MED26: variants seen among roughly 807,000 people sequenced by gnomAD.
MED26 encodes the protein mediator complex subunit 26, also known as mediator of RNA polymerase II transcription subunit 26.
MED26 carries 7 observed loss-of-function variants against 43.7 expected under a neutral mutation model. The observed-to-expected ratio is 0.16, with a 90% CI of 0.09 to 0.30. The LOEUF is 0.30. MED26 is among the 10% of genes least tolerant of loss of function. MED26 has a pLI of 1.00. For missense variants in MED26, 784 were observed against 840.6 expected (o/e 0.93, Z 0.83); for synonymous variants, 375 against 371.1 (o/e 1.01, Z -0.12).
In MED26 at chr19:16,627,892, C is replaced by A; in HGVS notation, c.52G>T (p.Ala18Ser). 4 of 1,498,986 alleles carry A rather than the reference C, an allele frequency of 2.7e-6. No individual in the cohort carries two copies. The highest frequency in any genetic ancestry group is 3.6e-6 in the Non-Finnish European group (4 of 1,121,726). The allele number at this position is 1,498,986 out of a possible 1,614,324, so 92.9% of individuals were successfully genotyped here. Residue 18 changes from alanine (A) to serine (S), a missense_variant, in exon 1 of 3, where the codon GCC becomes TCC. Physicochemically the swap from Ala to Ser is moderately conservative, Grantham distance 99. Transcript: ENST00000263390. ...PQQIRDRLLQ[A>S]IDPQSNIRNM... ...CTTACGTTGCTCTGGGGGTCGATGG[C>A]CTGCAGCAGCCGGTCCCTGATCTGC...
chr19:16,579,818 A>T lies in MED26; in HGVS notation c.73-1409T>A, dbSNP rs538359239. 6.7e-4 allele frequency among the ~76,000 whole-genome samples: 102 copies of T among 152,280 alleles called. 1 individual carries two copies. Among genetic ancestry groups the T allele is most frequent in the South Asian group, 2.7e-3 (13 of 4,826 alleles). On this transcript the variant is annotated intron_variant, in intron 1 of 2. Transcript: ENST00000263390. The stretch of plus-strand genomic sequence containing the variant: ...CCCAGCCACTGTAGCATTTCCTTGC[A>T]TTTTTTTCCAAAAATATCCCTTGTG...
At chr19:16,624,934 A>G (rs967593763) in intron 1 of MED26, among the ~76,000 whole-genome samples, 13 of 152,208 alleles carry the variant, frequency 8.5e-5, no homozygotes, top group African/African-American at 2.9e-4. Context: ...AGGAAGATAA[A>G]GCTCATACCT....
rs750334769 is a variant in MED26 at position 16,576,857 on chromosome 19, G to C, written c.973C>G (p.Pro325Ala). 1 of 1,611,198 alleles carries C rather than the reference G, an allele frequency of 6.2e-7. No individual in the cohort carries two copies. Among genetic ancestry groups the C allele is most frequent in the Admixed American group, 1.7e-5 (1 of 59,920 alleles). ...PLPLAQPSTP[P>A]VRRLELLPSA... ...GGCAGCAGCTCGAGCCGCCGTACGGGGGGTGTGGACGGCTGTGCCAGTGGA... is the reference window on the plus strand; with the variant it reads ...GGCAGCAGCTCGAGCCGCCGTACGGCGGGTGTGGACGGCTGTGCCAGTGGA... The change falls in exon 3 of 3, where the codon CCC (proline) becomes GCC (alanine). Residue 325 changes from proline (P) to alanine (A), a missense_variant. By Grantham distance (27) the Pro-to-Ala change is conservative. Transcript: ENST00000263390. This position sits in a 1 kb window ranked among gnomAD's most constrained non-coding sequence, Gnocchi z 6.8.
chr19:16,609,340 G>GA (rs1266114307), intron 1 of MED26, among the ~76,000 whole-genome samples: 2 of 132,824 alleles, frequency 1.5e-5, no homozygotes, highest in Non-Finnish European at 3.3e-5. Flanking sequence ...AAAAAAAAGA[G>GA]AGAGAATAAG....
intron 1 of MED26, among the ~76,000 whole-genome samples, chr19:16,579,453 G>C (rs1367319911): frequency 6.6e-6 from 1 of 152,228 alleles, no homozygotes; most frequent in Non-Finnish European, 1.5e-5. Flanking sequence ...GGGGACTGCT[G>C]GGCTTTGTCT....
intron 1 of MED26, among the ~76,000 whole-genome samples, chr19:16,622,285 G>A (rs1251220337): frequency 2.6e-5 from 4 of 152,156 alleles, no homozygotes; most frequent in Non-Finnish European, 4.4e-5. Context: ...ACCCAAGCTC[G>A]TTCATGACCA....
intron 1 of MED26, among the ~76,000 whole-genome samples, chr19:16,584,145 C>T (rs1287919957): frequency 4.6e-5 from 7 of 151,798 alleles, no homozygotes; most frequent in Non-Finnish European, 5.9e-5. Context: ...CCCAGCTACT[C>T]GGGAGGCTGA....
At chr19:16,582,615 C>T (rs986101867) in intron 1 of MED26, among the ~76,000 whole-genome samples, 7 of 152,174 alleles carry the variant, frequency 4.6e-5, no homozygotes, top group Admixed American at 3.9e-4. Context: ...CACCAGGACT[C>T]GTATGTGGCT....
chr19:16,576,664 G>A lies in MED26; in HGVS notation c.1166C>T (p.Ser389Leu), dbSNP rs1005211651. The A allele has an allele frequency of 1.9e-6, 3 of 1,614,038 alleles. No individual in the cohort carries two copies. The highest frequency in any genetic ancestry group is 2.2e-5 in the South Asian group (2 of 91,080). ...ADSDAASSGG[S>L]DSKKKKRYRP... ...GTACCTCTTCTTCTTTTTACTGTCC[G>A]AGCCCCCTGAGGAGGCAGCATCACT... is the stretch of plus-strand genomic sequence containing the variant. Residue 389 changes from serine to leucine, a missense_variant, in exon 3 of 3, where the codon TCG becomes TTG. Ser to Leu is a moderately radical substitution (Grantham distance 145). Coordinates refer to ENST00000263390, the MANE Select transcript of MED26 (RefSeq NM_004831.5). The surrounding 1 kb of genome is among the most constrained non-coding windows in gnomAD (Gnocchi z 6.8).
intron 1 of MED26, 62 bp downstream of exon 1, chr19:16,627,809 AG>A: frequency 7.9e-7 from 1 of 1,262,264 alleles, no homozygotes; most frequent in Middle Eastern, 2.3e-4. Context: ...CGAGGGGTAC[AG>A]GAGAGGGGGA....
At chr19:16,620,202 G>C (rs1424659544) in intron 1 of MED26, among the ~76,000 whole-genome samples, 3 of 152,100 alleles carry the variant, frequency 2.0e-5, no homozygotes, top group Non-Finnish European at 4.4e-5. Flanking sequence ...TAAACAGCTG[G>C]ACCCAGGCAA....
intron 1 of MED26, among the ~76,000 whole-genome samples, chr19:16,617,999 G>A (rs2086233724): frequency 6.6e-6 from 1 of 152,136 alleles, no homozygotes; most frequent in South Asian, 2.1e-4. Context: ...GTGGGGTTGG[G>A]GAAATGGAGG....
chr19:16,577,001 T>C lies in MED26; in HGVS notation c.829A>G (p.Asn277Asp). 6.2e-7 allele frequency: 1 copy of C among 1,607,922 alleles called. No homozygotes were observed. Among genetic ancestry groups the C allele is most frequent in the Non-Finnish European group, 8.5e-7 (1 of 1,175,990 alleles). The change falls in exon 3 of 3, where the codon AAC becomes GAC. Residue 277 changes from asparagine to aspartate, a missense_variant. Asn to Asp is a conservative substitution (Grantham distance 23, BLOSUM62 1). Coordinates refer to ENST00000263390, the MANE Select transcript of MED26 (RefSeq NM_004831.5). This position sits in a 1 kb window ranked among gnomAD's most constrained non-coding sequence, Gnocchi z 8.1. ...GCAAAGGAGCCCTCATGCCGTGAGT[T>C]CCGAGGACTGAAAGAGCAGCGAGGG... The part of the protein sequence containing the change: ...GPPRCSFSPR[N>D]SRHEGSFARQ...
intron 1 of MED26, among the ~76,000 whole-genome samples, chr19:16,603,868 G>A (rs1480853710): frequency 2.6e-5 from 4 of 152,144 alleles, no homozygotes; most frequent in Admixed American, 6.5e-5. Flanking sequence ...CAGGCTCTGG[G>A]CAGAGCCATG....
chr19:16,621,133 G>A (rs188470209), intron 1 of MED26, among the ~76,000 whole-genome samples: 1 of 152,366 alleles, frequency 6.6e-6, no homozygotes, highest in Admixed American at 6.5e-5. Flanking sequence ...CACCACCGAT[G>A]TGGGAAGCGG....
At chr19:16,603,632 G>C (rs566788159) in intron 1 of MED26, among the ~76,000 whole-genome samples, 18 of 152,234 alleles carry the variant, frequency 1.2e-4, no homozygotes, top group African/African-American at 4.3e-4. Context: ...TCAATAGCAG[G>C]GCCCCAACAC....
Position 16,587,046 on chromosome 19 carries a change from G to A in MED26, c.73-8637C>T, listed in dbSNP as rs2086074233. ...CCAAACATGCCACAGATGGCACCCAGAAACAGACAGTCTGCCTTCAATGTG... is the reference window on the plus strand; with the variant it reads ...CCAAACATGCCACAGATGGCACCCAAAAACAGACAGTCTGCCTTCAATGTG... On this transcript the variant is annotated intron_variant, in intron 1 of 2. Coordinates refer to ENST00000263390, the MANE Select transcript of MED26 (RefSeq NM_004831.5). This position sits in a 1 kb window ranked among gnomAD's most constrained non-coding sequence, Gnocchi z 4.9. The A allele has an allele frequency of 6.6e-6, 1 of 152,016 alleles. No homozygotes were observed. Among genetic ancestry groups the A allele is most frequent in the Non-Finnish European group, 1.5e-5 (1 of 68,020 alleles). The allele number at this position is 152,016 out of a possible 1,614,324, so 9.4% of individuals were successfully genotyped here. A position where few individuals can be genotyped will look rare whatever the true frequency, so the allele number is the denominator to read the frequency against.
chr19:16,626,118 G>A (rs2086273745), intron 1 of MED26, among the ~76,000 whole-genome samples: 1 of 152,054 alleles, frequency 6.6e-6, no homozygotes, highest in Non-Finnish European at 1.5e-5. Flanking sequence ...AAACTGTGAG[G>A]TCACTGGAGT....
rs1329301498 is a variant in MED26 at position 16,577,233 on chromosome 19, A to G, written c.597T>C (p.Ser199=). 2.5e-6 allele frequency: 4 copies of G among 1,613,124 alleles called. No individual in the cohort carries two copies. The South Asian group carries it at 4.4e-5, about 18-fold the overall frequency. ...PESFASSLDG[S]GHAGPEGSRL... ...GGCTGCCCTCTGGGCCTGCATGCCCACTGCCATCCAGGGAGCTGGCGAAGC... is the reference window on the plus strand; with the variant it reads ...GGCTGCCCTCTGGGCCTGCATGCCCGCTGCCATCCAGGGAGCTGGCGAAGC... The change falls in exon 3 of 3, where the codon AGT becomes AGC. Residue 199 remains serine (S), a synonymous_variant. Coordinates refer to ENST00000263390, the MANE Select transcript of MED26 (RefSeq NM_004831.5). This position sits in a 1 kb window ranked among gnomAD's most constrained non-coding sequence, Gnocchi z 8.1.
Sources: gnomAD v4.1 joint callset for allele counts (sites outside exome capture counted in the v4.1 genomes callset) on GRCh38, gnomAD v4.1.1 for gene constraint, Gnocchi (gnomAD v3.1) non-coding constraint, MANE v1.5 for transcripts, NCBI Gene and HGNC (gene_info 2026-07-23, HGNC 2026-07-21) for gene names.